Variants in ZNF618 observed in about 807,000 individuals in gnomAD.
The protein encoded by ZNF618 is neural precursor cell expressed, developmentally down-regulated 10.
ZNF618 carries 34 observed loss-of-function variants against 103.0 expected under a neutral mutation model. That is an observed-to-expected ratio of 0.33 (90% CI 0.25 to 0.44). ZNF618 has a LOEUF of 0.44. ZNF618 is among the 20% of genes least tolerant of loss of function. The pLI is 1.00. For synonymous variants in ZNF618, 551 were observed against 542.2 expected, an observed-to-expected ratio of 1.02 and a Z score of -0.23; for missense variants, 1,059 against 1,295.4, an observed-to-expected ratio of 0.82 and a Z score of 2.80.
chr9:113,967,436 T>TC (rs1837519444), intron 1 of ZNF618, among the ~76,000 whole-genome samples: 2 of 152,216 alleles, frequency 1.3e-5, no homozygotes, highest in Non-Finnish European at 2.9e-5. Context: ...CTCACATTTC[T>TC]CCCTCCCTAT....
chr9:114,014,340 G>A (rs1842488964), intron 9 of ZNF618, among the ~76,000 whole-genome samples: 1 of 152,190 alleles, frequency 6.6e-6, no homozygotes, highest in Admixed American at 6.5e-5. Flanking sequence ...CTGCACTTGA[G>A]CTTCTCTTTC....
chr9:113,902,140 C>T (rs535493350), intron 1 of ZNF618, among the ~76,000 whole-genome samples: 1 of 152,062 alleles, frequency 6.6e-6, no homozygotes, highest in African/African-American at 2.4e-5. Context: ...CACCGGAGTT[C>T]GCCAGCCTGG....
intron 2 of ZNF618, among the ~76,000 whole-genome samples, chr9:113,976,658 A>G (rs974152868): frequency 6.6e-6 from 1 of 151,868 alleles, no homozygotes; most frequent in Admixed American, 6.6e-5. Context: ...TCTCCTCCTC[A>G]CTGCTGCATG....
Position 114,050,352 on chromosome 9 carries a change from G to T in ZNF618, c.*185G>T, listed in dbSNP as rs552106580. ...TGCGTGTATGTACACAGCCACACGT[G>T]TGTGCACGTGTCTGAACACGTGCTG... On this transcript the variant is annotated 3_prime_UTR_variant, in exon 15 of 15. Transcript: ENST00000374126. The T allele has an allele frequency of 3.0e-6, 2 of 667,532 alleles. No individual in the cohort carries two copies. Among genetic ancestry groups the T allele is most frequent in the East Asian group, 5.8e-5 (2 of 34,274 alleles). 41.4% of individuals were successfully genotyped at this position (667,532 alleles called of 1,614,324 possible). A position where few individuals can be genotyped will look rare whatever the true frequency, so the allele number is the denominator to read the frequency against.
At chr9:114,010,561 G>A (rs1226737832) in intron 9 of ZNF618, among the ~76,000 whole-genome samples, 2 of 151,664 alleles carry the variant, frequency 1.3e-5, no homozygotes, top group African/African-American at 2.4e-5. Flanking sequence ...AAAATTAGCC[G>A]GGCGTGGTGG....
intron 1 of ZNF618, among the ~76,000 whole-genome samples, chr9:113,903,034 T>G (rs1309813005): frequency 6.6e-6 from 1 of 152,188 alleles, no homozygotes; most frequent in Non-Finnish European, 1.5e-5. Flanking sequence ...AGAGAATATT[T>G]GAAAGAAGCA....
intron 2 of ZNF618, among the ~76,000 whole-genome samples, chr9:113,983,613 G>C (rs1839170765): frequency 6.6e-6 from 1 of 152,184 alleles, no homozygotes; most frequent in Admixed American, 6.5e-5. Context: ...GGTGGGAGAT[G>C]TGGGTACAAG....
At chr9:113,995,739 C>T (rs1840524558) in intron 3 of ZNF618, among the ~76,000 whole-genome samples, 1 of 152,058 alleles carries the variant, frequency 6.6e-6, no homozygotes, top group Admixed American at 6.5e-5. Context: ...GGAAGTCACC[C>T]GATTCAAAAA....
intron 1 of ZNF618, among the ~76,000 whole-genome samples, chr9:113,891,476 A>G (rs959809907): frequency 5.3e-5 from 8 of 152,138 alleles, no homozygotes; most frequent in African/African-American, 1.9e-4. Context: ...TTTTTTTAAA[A>G]AAGTGTTGGT....
chr9:113,991,130 G>A (rs1384826433), intron 3 of ZNF618, among the ~76,000 whole-genome samples: 1 of 152,216 alleles, frequency 6.6e-6, no homozygotes, highest in African/African-American at 2.4e-5. Context: ...GGGAAATGCT[G>A]GGAATCTTCC....
intron 1 of ZNF618, among the ~76,000 whole-genome samples, chr9:113,888,442 G>T (rs946206196): frequency 1.3e-5 from 2 of 152,240 alleles, no homozygotes; most frequent in African/African-American, 4.8e-5. Context: ...TTAATACCAC[G>T]TTTGAAAACA....
chr9:113,989,072 T>C (rs1446632710), intron 3 of ZNF618, among the ~76,000 whole-genome samples: 1 of 152,190 alleles, frequency 6.6e-6, no homozygotes. Context: ...AACTCACATC[T>C]TAGCAACAAT....
chr9:114,004,925 A>G (rs145170783), intron 6 of ZNF618, among the ~76,000 whole-genome samples: 31 of 152,354 alleles, frequency 2.0e-4, no homozygotes, highest in African/African-American at 6.5e-4. Context: ...ACAGTCATAC[A>G]TAGAAGCAGA....
chr9:113,878,605 AC>A (rs1364614412), intron 1 of ZNF618, among the ~76,000 whole-genome samples: 3 of 152,222 alleles, frequency 2.0e-5, no homozygotes, highest in Non-Finnish European at 4.4e-5. Context: ...ATCTAATTGA[AC>A]TTGCTGGGGA....
At chr9:114,017,825 T>C (rs1019081655) in intron 10 of ZNF618, among the ~76,000 whole-genome samples, 4 of 151,838 alleles carry the variant, frequency 2.6e-5, no homozygotes, top group Non-Finnish European at 1.5e-5. Context: ...ATACCAAGGG[T>C]ATTGGATAGG....
intron 5 of ZNF618, 89 bp downstream of exon 5, chr9:114,002,162 A>C: frequency 8.5e-7 from 1 of 1,175,108 alleles, no homozygotes; most frequent in Non-Finnish European, 1.3e-6. Context: ...GGGTGACCCC[A>C]GAGGCCCTGA....
Position 113,877,459 on chromosome 9 carries a change from G to A in ZNF618, c.33+1046G>A, listed in dbSNP as rs377125029. The stretch of plus-strand genomic sequence containing the variant: ...ATATTTAAAGTTTTTCTATTTCCAC[G>A]AACGAAGGATTTAAAAGAGAAAATA... On this transcript the variant is annotated intron_variant, in intron 1 of 14. Transcript: ENST00000374126. 2.6e-4 allele frequency among the ~76,000 whole-genome samples: 40 copies of A among 151,652 alleles called. No homozygotes were observed. The South Asian group carries it at 7.9e-3, about 30-fold the overall frequency.
At chr9:114,048,038 C>A in intron 14 of ZNF618, 44 bp downstream of exon 14, 2 of 1,495,414 alleles carry the variant, frequency 1.3e-6, no homozygotes, top group South Asian at 1.2e-5. Flanking sequence ...TCCCCTTATG[C>A]TCCAGTTGTT....
chr9:114,040,487 C>A (rs139527628), intron 13 of ZNF618, among the ~76,000 whole-genome samples: 7,787 of 152,140 alleles, frequency 0.051, 330 homozygotes, highest in Non-Finnish European at 0.077. Context: ...ATCCTCCCCC[C>A]ACCCCACAAC....
Sources: allele counts gnomAD v4.1 joint callset (sites outside exome capture counted in the v4.1 genomes callset), GRCh38; gene constraint gnomAD v4.1.1; transcripts MANE v1.5; gene names NCBI Gene and HGNC (gene_info 2026-07-23, HGNC 2026-07-21).